The following COG5 variants were observed in gnomAD, a reference collection of about 807,000 sequenced individuals.
The protein encoded by COG5 is conserved oligomeric Golgi complex subunit 5.
Under a neutral mutation model 110.4 loss-of-function variants are expected in COG5, and 86 were observed. The ratio of observed to expected loss-of-function variants is 0.78; its 90% CI spans 0.65 to 0.93. The LOEUF (loss-of-function observed/expected upper bound fraction) is 0.93, where lower values mean the gene tolerates loss of function less well. Among genes scored for constraint, COG5 ranks in the 40% least tolerant of loss-of-function variants. COG5 has a pLI of 0.00. For missense variants in COG5, 1,077 were observed against 987.0 expected, an observed-to-expected ratio of 1.09 and a Z score of -1.22; for synonymous variants, 360 against 334.6, an observed-to-expected ratio of 1.08 and a Z score of -0.83.
intron 6 of COG5, among the ~76,000 whole-genome samples, chr7:107,419,377 G>A (rs1793109888): frequency 6.6e-6 from 1 of 151,660 alleles, no homozygotes; most frequent in Non-Finnish European, 1.5e-5. Context: ...TGAATACAAT[G>A]CTTATTCCAA....
At chr7:107,363,201 A>G (rs1225081778) in intron 8 of COG5, among the ~76,000 whole-genome samples, 1 of 152,220 alleles carries the variant, frequency 6.6e-6, no homozygotes, top group East Asian at 1.9e-4. Flanking sequence ...AGTAATAAGT[A>G]TATGTAGTGT....
chr7:107,334,392 A>T (rs1257451323), intron 10 of COG5, among the ~76,000 whole-genome samples: 1 of 152,188 alleles, frequency 6.6e-6, no homozygotes, highest in Non-Finnish European at 1.5e-5. Flanking sequence ...TATAAAAAAA[A>T]CTTCCAAAAT....
chr7:107,548,146 T>C lies in COG5; in HGVS notation c.382A>G (p.Ile128Val), dbSNP rs1413571787. Residue 128 changes from isoleucine (I) to valine (V), a missense_variant, in exon 5 of 22, where the codon ATA becomes GTA. Physicochemically the swap from Ile to Val is conservative, Grantham distance 29 (BLOSUM62 3). Transcript: ENST00000297135. The stretch of plus-strand genomic sequence containing the variant: ...GCTAGTTGTGCAGTCCGGGCAACTA[T>C]CTTATTGTATGGTTCAACAATTTTT... The part of the protein sequence containing the change: ...KAKIVEPYNK[I>V]VARTAQLARL... 4 of 1,613,824 alleles carry C rather than the reference T, an allele frequency of 2.5e-6. No homozygotes were observed. Among genetic ancestry groups the C allele is most frequent in the Non-Finnish European group, 3.4e-6 (4 of 1,179,872 alleles).
At chr7:107,556,246 C>T (rs1803308033) in intron 2 of COG5, among the ~76,000 whole-genome samples, 1 of 152,164 alleles carries the variant, frequency 6.6e-6, no homozygotes, top group South Asian at 2.1e-4. Context: ...ACTAGCTATT[C>T]ACCCAACAAT....
chr7:107,419,476 TAAAAGA>T (rs1002025934), intron 6 of COG5, among the ~76,000 whole-genome samples: 15 of 148,132 alleles, frequency 1.0e-4, no homozygotes, highest in Middle Eastern at 3.4e-3. Context: ...ATAGTAAAAA[TAAAAGA>T]AAAAGAAAAA....
intron 3 of COG5, among the ~76,000 whole-genome samples, chr7:107,548,746 CATG>C (rs1489279237): frequency 6.6e-6 from 1 of 152,154 alleles, no homozygotes; most frequent in Non-Finnish European, 1.5e-5. Flanking sequence ...ACTGATCCTC[CATG>C]ATATCCCCTT....
chr7:107,201,390 C>T lies in COG5; in HGVS notation c.*2126G>A. 4 of 1,501,326 alleles carry T rather than the reference C, an allele frequency of 2.7e-6. No homozygotes were observed. Among genetic ancestry groups the T allele is most frequent in the Non-Finnish European group, 3.7e-6 (4 of 1,079,938 alleles). The allele number at this position is 1,501,326 out of a possible 1,614,324, so 93.0% of individuals were successfully genotyped here. A position where few individuals can be genotyped will look rare whatever the true frequency, so the allele number is the denominator to read the frequency against. On this transcript the variant is annotated 3_prime_UTR_variant, in exon 22 of 22. Coordinates refer to ENST00000297135, the MANE Select transcript of COG5 (RefSeq NM_006348.5). The stretch of plus-strand genomic sequence containing the variant: ...CTATGTATTGATTTGTAAACATTCA[C>T]TGAGTTTAATTTTATTTCCACAGGG...
At chr7:107,318,009 T>C (rs1584669894) in intron 11 of COG5, among the ~76,000 whole-genome samples, 1 of 152,290 alleles carries the variant, frequency 6.6e-6, no homozygotes, top group East Asian at 1.9e-4. Context: ...TAAAGTATGC[T>C]AATGGCTTTT....
intron 17 of COG5, among the ~76,000 whole-genome samples, chr7:107,246,819 C>T (rs963536287): frequency 6.6e-6 from 1 of 152,138 alleles, no homozygotes; most frequent in Non-Finnish European, 1.5e-5. Context: ...GGTGATTCCT[C>T]AAAGGGCTAA....
At chr7:107,411,884 G>A (rs1792327639) in intron 7 of COG5, among the ~76,000 whole-genome samples, 1 of 152,034 alleles carries the variant, frequency 6.6e-6, no homozygotes, top group African/African-American at 2.4e-5. Context: ...TAATACAAGG[G>A]TAGATCTAAG....
intron 7 of COG5, among the ~76,000 whole-genome samples, chr7:107,409,320 T>C (rs1378652703): frequency 1.3e-5 from 2 of 148,378 alleles, no homozygotes; most frequent in African/African-American, 5.0e-5. Flanking sequence ...GTTACCAATA[T>C]CAAAAATTTG....
chr7:107,541,673 C>T (rs1423712565), intron 5 of COG5, among the ~76,000 whole-genome samples: 2 of 150,050 alleles, frequency 1.3e-5, no homozygotes, highest in Admixed American at 6.6e-5. Flanking sequence ...TGGCTCACAC[C>T]TGTAATCCCA....
intron 7 of COG5, among the ~76,000 whole-genome samples, chr7:107,401,846 A>G (rs527375461): frequency 6.6e-6 from 1 of 152,304 alleles, no homozygotes; most frequent in African/African-American, 2.4e-5. Context: ...ACATCCCAAA[A>G]CAATTGCTTG....
chr7:107,207,950 G>GTC (rs1175879065), intron 21 of COG5: 8 of 985,308 alleles, frequency 8.1e-6, no homozygotes, highest in Non-Finnish European at 9.6e-6. Context: ...AACAGAATGA[G>GTC]TATACAACAA....
intron 3 of COG5, among the ~76,000 whole-genome samples, chr7:107,550,716 T>A (rs2520268): frequency 0.25 from 38,535 of 152,102 alleles, 5,152 homozygotes; most frequent in East Asian, 0.33. Context: ...TTTTTCTTTC[T>A]GTTTTCTGAG....
At chr7:107,467,489 T>C (rs1269611333) in intron 6 of COG5, among the ~76,000 whole-genome samples, 1 of 152,160 alleles carries the variant, frequency 6.6e-6, no homozygotes, top group Non-Finnish European at 1.5e-5. Context: ...CGCGAGGAGC[T>C]GGACTAGAGG....
At chr7:107,386,560 G>T (rs991141981) in intron 7 of COG5, among the ~76,000 whole-genome samples, 1 of 152,060 alleles carries the variant, frequency 6.6e-6, no homozygotes, top group Non-Finnish European at 1.5e-5. Flanking sequence ...CTCCAAGTTT[G>T]GGGGGGATTG....
chr7:107,498,973 G>A (rs1319292056), intron 6 of COG5, among the ~76,000 whole-genome samples: 1 of 152,120 alleles, frequency 6.6e-6, no homozygotes, highest in Non-Finnish European at 1.5e-5. Context: ...ACTTAAACAA[G>A]AAAGAAATCC....
chr7:107,236,772 C>A, intron 17 of COG5, 85 bp from the exon 18 acceptor site: 1 of 862,700 alleles, frequency 1.2e-6, no homozygotes. Context: ...ACCAATGCTG[C>A]TATTTCAATC....
Sources: allele counts gnomAD v4.1 joint callset (sites outside exome capture counted in the v4.1 genomes callset), GRCh38; gene constraint gnomAD v4.1.1; transcripts MANE v1.5; gene names NCBI Gene and HGNC (gene_info 2026-07-23, HGNC 2026-07-21).